The following RUNX1 variants were observed in gnomAD, a reference collection of about 807,000 sequenced individuals.
RUNX1 encodes the protein RUNX family transcription factor 1.
RUNX1 carries 19 observed loss-of-function variants against 42.8 expected under a neutral mutation model. The ratio of observed to expected loss-of-function variants is 0.44; its 90% CI spans 0.31 to 0.65. The LOEUF (loss-of-function observed/expected upper bound fraction) is 0.65. Among genes scored for constraint, RUNX1 ranks in the 30% least tolerant of loss-of-function variants. RUNX1 has a pLI of 0.07. For synonymous variants in RUNX1, 271 were observed against 289.4 expected (o/e 0.94, Z 0.64); for missense variants, 528 against 672.0 (o/e 0.79, Z 2.37).
chr21:34,898,029 T>C (rs908016118), intron 2 of RUNX1, among the ~76,000 whole-genome samples: 4 of 152,150 alleles, frequency 2.6e-5, no homozygotes, highest in Non-Finnish European at 4.4e-5. Flanking sequence ...GCATTGTAGC[T>C]AGAAGACAGA....
At chr21:34,999,751 CCT>C (rs2059026042) in intron 2 of RUNX1, among the ~76,000 whole-genome samples, 1 of 152,290 alleles carries the variant, frequency 6.6e-6, no homozygotes, top group Admixed American at 6.5e-5. Flanking sequence ...GACCTGGCTC[CCT>C]CTCTTCTCTC....
At chr21:34,958,577 T>C (rs986771539) in intron 2 of RUNX1, among the ~76,000 whole-genome samples, 2 of 152,138 alleles carry the variant, frequency 1.3e-5, no homozygotes, top group South Asian at 2.1e-4. Flanking sequence ...TGTGGAGAAA[T>C]AGGAACACTT....
intron 2 of RUNX1, among the ~76,000 whole-genome samples, chr21:35,018,496 G>A (rs1276514800): frequency 2.0e-5 from 3 of 152,132 alleles, no homozygotes; most frequent in African/African-American, 4.8e-5. Flanking sequence ...TCCTCCAGTC[G>A]GTGGTACTTT....
At chr21:35,047,514 AACACAC>A (rs145398828) in intron 2 of RUNX1, among the ~76,000 whole-genome samples, 2,189 of 70,314 alleles carry the variant, frequency 0.031, 55 homozygotes, top group Admixed American at 0.051. Context: ...TGCCATCTCC[AACACAC>A]ACACACACAC....
intron 3 of RUNX1, among the ~76,000 whole-genome samples, chr21:34,889,171 G>A (rs1367526288): frequency 2.0e-5 from 3 of 151,722 alleles, no homozygotes; most frequent in African/African-American, 7.3e-5. Flanking sequence ...GCCCGCGGAC[G>A]GCCCCAGATC....
chr21:34,948,687 C>T (rs2058583711), intron 2 of RUNX1, among the ~76,000 whole-genome samples: 9 of 152,132 alleles, frequency 5.9e-5, no homozygotes, highest in Admixed American at 5.2e-4. Context: ...ACAGAGCAGA[C>T]CACTTACAGC....
At chr21:34,858,923 G>C (rs975629479) in intron 6 of RUNX1, among the ~76,000 whole-genome samples, 5 of 152,020 alleles carry the variant, frequency 3.3e-5, no homozygotes, top group African/African-American at 1.2e-4. Context: ...ATATTTACTG[G>C]TTTTCCCCAG....
At chr21:34,985,369 T>C (rs1485400902) in intron 2 of RUNX1, among the ~76,000 whole-genome samples, 4 of 152,154 alleles carry the variant, frequency 2.6e-5, no homozygotes, top group Non-Finnish European at 4.4e-5. Flanking sequence ...GCTGACTGGC[T>C]TGGAGAGCAG....
At chr21:34,878,953 T>C (rs538768467) in intron 5 of RUNX1, among the ~76,000 whole-genome samples, 31 of 152,332 alleles carry the variant, frequency 2.0e-4, no homozygotes, top group South Asian at 1.7e-3. Flanking sequence ...AGATGCATAG[T>C]ATGATGATAA....
At chr21:34,882,756 A>C (rs545456494) in intron 4 of RUNX1, among the ~76,000 whole-genome samples, 39 of 152,016 alleles carry the variant, frequency 2.6e-4, no homozygotes, top group African/African-American at 9.2e-4. Flanking sequence ...GTCTCTCACA[A>C]CAAATTTTCC....
chr21:34,835,158 C>T (rs1271399988), intron 6 of RUNX1, among the ~76,000 whole-genome samples: 1 of 152,122 alleles, frequency 6.6e-6, no homozygotes, highest in Non-Finnish European at 1.5e-5. Flanking sequence ...GGTCCCATTT[C>T]CAGGTACACG....
chr21:34,790,562 A>T lies in RUNX1; in HGVS notation c.*1573T>A, dbSNP rs1345948235. On this transcript the variant is annotated 3_prime_UTR_variant, in exon 9 of 9. Coordinates refer to ENST00000675419, the MANE Select transcript of RUNX1 (RefSeq NM_001754.5). ...TTTACAGCGACATTGGATACCTTTG[A>T]ATTGTAGCCACGGACAGTAGTGACA... 3 of 233,348 alleles carry T rather than the reference A, an allele frequency of 1.3e-5. No homozygotes were observed. The East Asian group carries it at 1.8e-4, about 14-fold the overall frequency. 14.5% of individuals were successfully genotyped at this position (233,348 alleles called of 1,614,324 possible). A position where few individuals can be genotyped will look rare whatever the true frequency, so the allele number is the denominator to read the frequency against.
chr21:34,797,744 G>A (rs1368104470), intron 8 of RUNX1, among the ~76,000 whole-genome samples: 1 of 152,194 alleles, frequency 6.6e-6, no homozygotes, highest in South Asian at 2.1e-4. Flanking sequence ...ATGGCCAAAA[G>A]TAATGTGAAA....
intron 8 of RUNX1, among the ~76,000 whole-genome samples, chr21:34,798,427 T>C (rs2056561038): frequency 6.6e-6 from 1 of 152,230 alleles, no homozygotes; most frequent in South Asian, 2.1e-4. Context: ...AAATGACTAA[T>C]ACTTAATGAG....
intron 7 of RUNX1, chr21:34,821,567 A>G (rs2056908604): frequency 1.3e-6 from 2 of 1,543,100 alleles, no homozygotes; most frequent in South Asian, 1.2e-5. Flanking sequence ...GTGCATTCTG[A>G]GGGCTGTCAT....
chr21:34,893,026 CTTTT>C, intron 2 of RUNX1, 63 bp from the exon 3 acceptor site: 1 of 852,694 alleles, frequency 1.2e-6, no homozygotes, highest in Non-Finnish European at 1.8e-6. Flanking sequence ...TTTCCCCCGA[CTTTT>C]TTTTTTTTGC....
chr21:34,891,776 G>T (rs1291335698), intron 3 of RUNX1, among the ~76,000 whole-genome samples: 4 of 151,974 alleles, frequency 2.6e-5, no homozygotes, highest in Admixed American at 2.6e-4. Context: ...TCCAAATTTT[G>T]TTGCGGGGAG....
At chr21:34,881,666 A>G (rs1360501867) in intron 4 of RUNX1, among the ~76,000 whole-genome samples, 5 of 152,326 alleles carry the variant, frequency 3.3e-5, no homozygotes, top group African/African-American at 9.6e-5. Flanking sequence ...GTAACTGAGT[A>G]AGTATGAAGT....
intron 2 of RUNX1, among the ~76,000 whole-genome samples, chr21:35,026,746 G>A (rs1331465539): frequency 6.6e-6 from 1 of 152,200 alleles, no homozygotes; most frequent in Non-Finnish European, 1.5e-5. Flanking sequence ...AGCAATGGGC[G>A]AAGTAACTGA....
Sources: allele counts gnomAD v4.1 joint callset (sites outside exome capture counted in the v4.1 genomes callset), GRCh38; gene constraint gnomAD v4.1.1; transcripts MANE v1.5; gene names NCBI Gene and HGNC (gene_info 2026-07-23, HGNC 2026-07-21).